Variants in SORCS2 observed in about 807,000 individuals in gnomAD.
SORCS2 encodes the protein VPS10 domain-containing receptor SorCS2.
SORCS2 carries 100 observed loss-of-function variants against 141.6 expected under a neutral mutation model. The observed-to-expected ratio is 0.71, with a 90% CI of 0.60 to 0.83. The LOEUF is 0.83. Among genes scored for constraint, SORCS2 ranks in the 40% least tolerant of loss-of-function variants. SORCS2 has a pLI of 0.00. For missense variants in SORCS2, 1,646 were observed against 1,560.2 expected (o/e 1.05, Z -0.93); for synonymous variants, 789 against 676.9 (o/e 1.17, Z -2.57).
rs116068430 is a variant in SORCS2, at chr4:7,226,820, G to A, written c.480+33694G>A. Among the ~76,000 whole-genome samples the A allele has an allele frequency of 8.0e-3, 1,215 of 152,302 alleles. 19 individuals carry two copies. Among genetic ancestry groups the A allele is most frequent in the African/African-American group, 0.027 (1,116 of 41,556 alleles). On this transcript the variant is annotated intron_variant, in intron 1 of 26. Transcript: ENST00000507866. The stretch of plus-strand genomic sequence containing the variant: ...TCCCCAGGCCACATCTTCAAGCACC[G>A]CCGGGAAGCACCAGGGCGTGGCCTG...
rs988678670 is a variant in SORCS2 at position 7,244,511 on chromosome 4, G to T, written c.480+51385G>T. Among the ~76,000 whole-genome samples the T allele has an allele frequency of 2.9e-4, 44 of 152,232 alleles. 2 individuals are homozygous for T. On this transcript the variant is annotated intron_variant, in intron 1 of 26. Transcript: ENST00000507866. ...ATATTAAGTGCAGGGTGCCCGGCAG[G>T]CCTGCCAAGGCCTTTTCAGGGCCCA...
At position 7,550,708 on chromosome 4, in the gene SORCS2, C is replaced by T. The variant is rs888989764; in HGVS notation, c.648+19079C>T. Reference sequence around the variant, plus strand: ...TTATGAAGGCAGGAAACTTGATGGACTCTTCCAACAGGACAATCCACTGTA... The same window carrying T: ...TTATGAAGGCAGGAAACTTGATGGATTCTTCCAACAGGACAATCCACTGTA... On this transcript the variant is annotated intron_variant, in intron 3 of 26. Coordinates refer to ENST00000507866, the MANE Select transcript of SORCS2 (RefSeq NM_020777.3). Among the ~76,000 whole-genome samples the T allele has an allele frequency of 3.3e-5, 5 of 152,330 alleles. No individual in the cohort carries two copies. The South Asian group carries it at 6.2e-4, about 19-fold the overall frequency.
intron 3 of SORCS2, among the ~76,000 whole-genome samples, chr4:7,636,385 GTGAA>G (rs751832465): frequency 6.6e-6 from 1 of 152,134 alleles, no homozygotes; most frequent in African/African-American, 2.4e-5. Context: ...GAATGAATGA[GTGAA>G]TGAATGAATT....
intron 1 of SORCS2, among the ~76,000 whole-genome samples, chr4:7,297,553 C>T (rs1353019638): frequency 2.0e-5 from 3 of 152,170 alleles, no homozygotes; most frequent in African/African-American, 4.8e-5. Context: ...CCTGGGTGAA[C>T]GTGGGGCAGA....
intron 2 of SORCS2, among the ~76,000 whole-genome samples, chr4:7,494,034 GACAC>G (rs771006869): frequency 6.3e-4 from 55 of 87,496 alleles, no homozygotes; most frequent in African/African-American, 1.9e-3. Flanking sequence ...CACACACACA[GACAC>G]ACACACATAC....
At chr4:7,316,894 T>G (rs1718595661) in intron 1 of SORCS2, among the ~76,000 whole-genome samples, 1 of 152,110 alleles carries the variant, frequency 6.6e-6, no homozygotes, top group South Asian at 2.1e-4. Context: ...CTCCTGAGTT[T>G]TTGAGTGAAG....
chr4:7,389,115 T>C (rs1295044510), intron 1 of SORCS2, among the ~76,000 whole-genome samples: 1 of 152,194 alleles, frequency 6.6e-6, no homozygotes, highest in East Asian at 1.9e-4. Context: ...AAGCGGCTTG[T>C]TGGTGAACAA....
intron 11 of SORCS2, among the ~76,000 whole-genome samples, chr4:7,692,416 T>G (rs1467926596): frequency 2.0e-5 from 3 of 152,192 alleles, no homozygotes; most frequent in Non-Finnish European, 2.9e-5. Flanking sequence ...ACTGCACTTC[T>G]CTGAGCCTCA....
At chr4:7,544,081 C>T (rs1399058027) in intron 3 of SORCS2, among the ~76,000 whole-genome samples, 1 of 151,116 alleles carries the variant, frequency 6.6e-6, no homozygotes, top group East Asian at 1.9e-4. Flanking sequence ...CCCATCCATC[C>T]ATCCATCCAC....
intron 1 of SORCS2, among the ~76,000 whole-genome samples, chr4:7,378,027 G>A (rs1722768255): frequency 6.6e-6 from 1 of 152,170 alleles, no homozygotes; most frequent in Admixed American, 6.5e-5. Context: ...TCATGAAGAA[G>A]GATATATGGT....
At chr4:7,694,590 T>C (rs575062836) in intron 11 of SORCS2, among the ~76,000 whole-genome samples, 25 of 152,366 alleles carry the variant, frequency 1.6e-4, no homozygotes, top group Admixed American at 6.5e-4. Context: ...GCTCCGCCTG[T>C]GATGCGTGTG....
intron 19 of SORCS2, among the ~76,000 whole-genome samples, chr4:7,724,482 GATGGTGGTGGTGGTGACA>G: frequency 3.9e-5 from 5 of 129,158 alleles, no homozygotes; most frequent in Non-Finnish European, 8.4e-5. Flanking sequence ...TGATGGTGGT[GATGGTGGTGGTGGTGACA>G]ATGGTGGTGG....
rs1413248182 is a variant in SORCS2, at chr4:7,201,373, C to T, written c.480+8247C>T. Among the ~76,000 whole-genome samples, 1 of 152,106 alleles carries T rather than the reference C, an allele frequency of 6.6e-6. No individual in the cohort carries two copies. Among genetic ancestry groups the T allele is most frequent in the East Asian group, 1.9e-4 (1 of 5,192 alleles). On this transcript the variant is annotated intron_variant, in intron 1 of 26. Coordinates refer to ENST00000507866, the MANE Select transcript of SORCS2 (RefSeq NM_020777.3). The surrounding 1 kb of genome is among the most constrained non-coding windows in gnomAD (Gnocchi z 4.4). ...AATCCACTTTTACTTTAATAAAGGG[C>T]GATTTAATTTGTAGTTGCGTGAAGG...
intron 3 of SORCS2, among the ~76,000 whole-genome samples, chr4:7,563,883 G>A (rs564653035): frequency 6.6e-6 from 1 of 152,344 alleles, no homozygotes; most frequent in Admixed American, 6.5e-5. Flanking sequence ...AGCAATGTAA[G>A]TGAGAACAAT....
At chr4:7,352,118 C>G (rs1275574079) in intron 1 of SORCS2, among the ~76,000 whole-genome samples, 2 of 152,208 alleles carry the variant, frequency 1.3e-5, no homozygotes, top group Non-Finnish European at 2.9e-5. Context: ...GTTGCTTCTT[C>G]TGGGCTCACA....
chr4:7,724,567 G>GTGGTGA (rs879320842), intron 19 of SORCS2, among the ~76,000 whole-genome samples: 3 of 112,656 alleles, frequency 2.7e-5, no homozygotes, highest in South Asian at 3.7e-4. Flanking sequence ...ATGGATGGTG[G>GTGGTGA]TGGTGATGGT....
intron 1 of SORCS2, among the ~76,000 whole-genome samples, chr4:7,281,698 C>G (rs2108860453): frequency 6.6e-6 from 1 of 152,354 alleles, no homozygotes; most frequent in South Asian, 2.1e-4. Context: ...TGATGGCAGC[C>G]TGGGGGCCGC....
chr4:7,674,485 A>G (rs1722979535), intron 8 of SORCS2, among the ~76,000 whole-genome samples: 1 of 147,532 alleles, frequency 6.8e-6, no homozygotes. Context: ...AGGCAGGAGA[A>G]TGGTGTGAAC....
chr4:7,306,075 G>A (rs1437817340), intron 1 of SORCS2, among the ~76,000 whole-genome samples: 1 of 152,238 alleles, frequency 6.6e-6, no homozygotes, highest in African/African-American at 2.4e-5. Context: ...GTGAGCTGGG[G>A]AGAGGCTAGT....
Sources: gnomAD v4.1 joint callset for allele counts (sites outside exome capture counted in the v4.1 genomes callset) on GRCh38, gnomAD v4.1.1 for gene constraint, Gnocchi (gnomAD v3.1) non-coding constraint, MANE v1.5 for transcripts, NCBI Gene and HGNC (gene_info 2026-07-23, HGNC 2026-07-21) for gene names.